SDK1: variants seen among roughly 807,000 people sequenced by gnomAD.
SDK1 encodes sidekick cell adhesion molecule 1, also known as protein sidekick-1.
A neutral mutation model predicts 245.5 loss-of-function variants in SDK1; 157 were observed. The ratio of observed to expected loss-of-function variants is 0.64; its 90% CI spans 0.56 to 0.73. The LOEUF is 0.73. Among genes scored for constraint, SDK1 ranks in the 30% least tolerant of loss-of-function variants. The pLI is 0.00. For missense variants in SDK1, 3,583 were observed against 3,002.3 expected (o/e 1.19, Z -4.52); for synonymous variants, 1,647 against 1,278.5 (o/e 1.29, Z -6.15).
At chr7:3,327,914 G>T (rs1475401119) in intron 1 of SDK1, among the ~76,000 whole-genome samples, 2 of 152,106 alleles carry the variant, frequency 1.3e-5, no homozygotes, top group Non-Finnish European at 2.9e-5. Context: ...TTGTCGTTCT[G>T]TCGTATGTTG....
At chr7:4,014,867 C>T (rs1311939106) in intron 16 of SDK1, among the ~76,000 whole-genome samples, 1 of 152,080 alleles carries the variant, frequency 6.6e-6, no homozygotes, top group African/African-American at 2.4e-5. Context: ...ACAAAAGCAC[C>T]CGGAGCCACT....
At chr7:3,625,718 C>G (rs758916844) in intron 2 of SDK1, among the ~76,000 whole-genome samples, 1 of 152,122 alleles carries the variant, frequency 6.6e-6, no homozygotes, top group Non-Finnish European at 1.5e-5. Flanking sequence ...GGTTATTAGC[C>G]TTCATTTCTA....
At chr7:4,021,346 G>A (rs558421783) in intron 17 of SDK1, among the ~76,000 whole-genome samples, 78 of 152,304 alleles carry the variant, frequency 5.1e-4, no homozygotes, top group African/African-American at 1.6e-3. Flanking sequence ...CTATGGACAC[G>A]AGGGTTGTGA....
At chr7:3,504,778 A>AG in intron 1 of SDK1, among the ~76,000 whole-genome samples, 1 of 137,700 alleles carries the variant, frequency 7.3e-6, no homozygotes, top group Non-Finnish European at 1.5e-5. Context: ...AAACAACAGA[A>AG]GGAAAAAAAA....
intron 5 of SDK1, among the ~76,000 whole-genome samples, chr7:3,829,056 A>G (rs926615030): frequency 1.3e-5 from 2 of 152,202 alleles, no homozygotes; most frequent in Non-Finnish European, 2.9e-5. Flanking sequence ...CTGTGTATCA[A>G]ATGTTTAGAC....
At chr7:3,698,894 C>G (rs1784657566) in intron 4 of SDK1, among the ~76,000 whole-genome samples, 1 of 152,156 alleles carries the variant, frequency 6.6e-6, no homozygotes, top group Non-Finnish European at 1.5e-5. Flanking sequence ...TTTAAGGCTT[C>G]AAAATACGAA....
chr7:3,867,809 G>C (rs1780858612), intron 5 of SDK1, among the ~76,000 whole-genome samples: 1 of 152,098 alleles, frequency 6.6e-6, no homozygotes, highest in Non-Finnish European at 1.5e-5. Flanking sequence ...TCTTAAATCA[G>C]AATTTTCTTT....
chr7:3,805,124 A>C (rs1219232298), intron 4 of SDK1, among the ~76,000 whole-genome samples: 4 of 152,254 alleles, frequency 2.6e-5, no homozygotes, highest in African/African-American at 9.6e-5. Context: ...GTTGGACACC[A>C]TAAGTACATA....
intron 40 of SDK1, among the ~76,000 whole-genome samples, chr7:4,228,766 G>T (rs750915513): frequency 6.6e-6 from 1 of 152,086 alleles, no homozygotes; most frequent in Non-Finnish European, 1.5e-5. Flanking sequence ...TCTTGAACTC[G>T]TGACCTCGTG....
intron 5 of SDK1, among the ~76,000 whole-genome samples, chr7:3,898,148 T>C (rs576238198): frequency 6.6e-6 from 1 of 152,290 alleles, no homozygotes; most frequent in South Asian, 2.1e-4. Context: ...GTGGCCTGAA[T>C]AGAAGAACAG....
chr7:3,772,358 A>G (rs552970576), intron 4 of SDK1, among the ~76,000 whole-genome samples: 4 of 152,262 alleles, frequency 2.6e-5, no homozygotes, highest in South Asian at 2.1e-4. Context: ...CTGAACTTCA[A>G]TATTATACAA....
intron 4 of SDK1, among the ~76,000 whole-genome samples, chr7:3,679,645 G>A (rs1162529133): frequency 6.6e-6 from 1 of 152,210 alleles, no homozygotes; most frequent in Non-Finnish European, 1.5e-5. Context: ...ACAGGTATAT[G>A]AAAATACCTT....
intron 1 of SDK1, among the ~76,000 whole-genome samples, chr7:3,383,064 C>G (rs978198009): frequency 3.3e-5 from 5 of 152,058 alleles, no homozygotes; most frequent in African/African-American, 1.2e-4. Flanking sequence ...AAAATGTTGT[C>G]TTGAATTCTT....
intron 17 of SDK1, among the ~76,000 whole-genome samples, chr7:4,033,771 T>G (rs986250405): frequency 3.8e-4 from 58 of 152,086 alleles, no homozygotes; most frequent in African/African-American, 1.4e-3. Context: ...AACAATGTGA[T>G]AAAAATGCAA....
At chr7:3,547,543 C>T (rs1779263695) in intron 1 of SDK1, among the ~76,000 whole-genome samples, 1 of 152,120 alleles carries the variant, frequency 6.6e-6, no homozygotes, top group South Asian at 2.1e-4. Flanking sequence ...GGCCAGTTAC[C>T]ACTGTGCAGG....
intron 1 of SDK1, among the ~76,000 whole-genome samples, chr7:3,466,978 CTA>C: frequency 1.0e-5 from 1 of 98,196 alleles, no homozygotes; most frequent in Non-Finnish European, 2.0e-5. Flanking sequence ...CTCTCTCTCT[CTA>C]CACACACACA....
intron 4 of SDK1, among the ~76,000 whole-genome samples, chr7:3,763,327 T>C (rs1236104838): frequency 6.6e-6 from 1 of 152,190 alleles, no homozygotes; most frequent in Non-Finnish European, 1.5e-5. Flanking sequence ...AACTCGATCA[T>C]TTTTTTCAAC....
chr7:3,532,622 C>G (rs1783385438), intron 1 of SDK1, among the ~76,000 whole-genome samples: 1 of 152,152 alleles, frequency 6.6e-6, no homozygotes, highest in African/African-American at 2.4e-5. Context: ...CATGTTAACT[C>G]CAGGTCATTA....
At chr7:4,043,284 AGT>A (rs1169688727) in intron 17 of SDK1, among the ~76,000 whole-genome samples, 9 of 149,994 alleles carry the variant, frequency 6.0e-5, no homozygotes, top group Middle Eastern at 3.5e-3. Context: ...AGGTAGAGTG[AGT>A]GTCACAGCCA....
Sources: allele counts gnomAD v4.1 joint callset (sites outside exome capture counted in the v4.1 genomes callset), GRCh38; gene constraint gnomAD v4.1.1; transcripts MANE v1.5; gene names NCBI Gene and HGNC (gene_info 2026-07-23, HGNC 2026-07-21).